The following TBX20 variants were observed in gnomAD, a reference collection of about 807,000 sequenced individuals.
TBX20 encodes the protein T-box transcription factor 20, also known as T-box transcription factor TBX20.
TBX20 carries 8 observed loss-of-function variants against 42.9 expected under a neutral mutation model. That is an observed-to-expected ratio of 0.19 (90% CI 0.11 to 0.34). The LOEUF (loss-of-function observed/expected upper bound fraction) is 0.34. Ranked by LOEUF, TBX20 falls within the 10% of genes least tolerant of loss-of-function variation. The pLI is 1.00. For missense variants in TBX20, 411 were observed against 566.0 expected (o/e 0.73, Z 2.78); for synonymous variants, 198 against 222.8 (o/e 0.89, Z 0.99).
chr7:35,231,236 T>C (rs1384293047), intron 6 of TBX20, among the ~76,000 whole-genome samples: 1 of 152,208 alleles, frequency 6.6e-6, no homozygotes, highest in African/African-American at 2.4e-5. Context: ...ACTAAGTCTT[T>C]AATAACAACA....
intron 5 of TBX20, among the ~76,000 whole-genome samples, chr7:35,235,291 GAAA>G (rs61628631): frequency 8.8e-6 from 1 of 113,540 alleles, no homozygotes; most frequent in Admixed American, 1.0e-4. Flanking sequence ...TGGGATAACT[GAAA>G]AAAAAAAAAA....
At chr7:35,215,896 C>A (rs1454570881) in intron 6 of TBX20, among the ~76,000 whole-genome samples, 3 of 152,172 alleles carry the variant, frequency 2.0e-5, no homozygotes, top group Non-Finnish European at 4.4e-5. Flanking sequence ...ACAAGCAAAA[C>A]CTGCACTCTT....
intron 6 of TBX20, among the ~76,000 whole-genome samples, chr7:35,217,050 GTAT>G (rs1463356300): frequency 6.6e-6 from 1 of 151,282 alleles, no homozygotes; most frequent in Non-Finnish European, 1.5e-5. Context: ...AATTTAGGAG[GTAT>G]TATAAATCAT....
At chr7:35,236,642 C>T (rs1482222145) in intron 5 of TBX20, among the ~76,000 whole-genome samples, 2 of 152,070 alleles carry the variant, frequency 1.3e-5, no homozygotes, top group Non-Finnish European at 2.9e-5. Context: ...AAACCATTTG[C>T]GAAACTGCCC....
chr7:35,206,545 T>G (rs1789403786), intron 6 of TBX20, among the ~76,000 whole-genome samples: 1 of 152,184 alleles, frequency 6.6e-6, no homozygotes, highest in South Asian at 2.1e-4. Flanking sequence ...AAACTCCATC[T>G]TAAAAAAATA....
intron 4 of TBX20, among the ~76,000 whole-genome samples, chr7:35,242,007 T>G (rs73099148): frequency 0.36 from 55,321 of 151,830 alleles, 10,425 homozygotes; most frequent in Admixed American, 0.46. Context: ...CATGCCCTCC[T>G]CTCCAAGGAG....
intron 6 of TBX20, among the ~76,000 whole-genome samples, chr7:35,213,542 A>C (rs1789532278): frequency 6.6e-6 from 1 of 152,210 alleles, no homozygotes; most frequent in African/African-American, 2.4e-5. Flanking sequence ...AATGAACAAA[A>C]ACAAAAGAAC....
rs983288197 is a variant in TBX20 at position 35,249,021 on chromosome 7, G to A, written c.381-180C>T. 1.3e-4 allele frequency among the ~76,000 whole-genome samples: 19 copies of A among 141,324 alleles called. No individual in the cohort carries two copies. Among genetic ancestry groups the A allele is most frequent in the South Asian group, 2.3e-4 (1 of 4,374 alleles). 92.7% of individuals were successfully genotyped at this position (141,324 alleles called of 152,430 possible). The stretch of plus-strand genomic sequence containing the variant: ...CTCAGAGAAGTGAATACAGAGACAG[G>A]GTTTTCTTCCAAGCCTAGATAATTT... On this transcript the variant is annotated intron_variant, in intron 2 of 7. Coordinates refer to ENST00000408931, the MANE Select transcript of TBX20 (RefSeq NM_001077653.2). The surrounding 1 kb of genome is among the most constrained non-coding windows in gnomAD (Gnocchi z 4.3).
At chr7:35,212,007 G>T (rs1291153214) in intron 6 of TBX20, among the ~76,000 whole-genome samples, 1 of 151,968 alleles carries the variant, frequency 6.6e-6, no homozygotes, top group African/African-American at 2.4e-5. Context: ...ATTTCTTTGG[G>T]TATATTTTTT....
intron 6 of TBX20, among the ~76,000 whole-genome samples, chr7:35,225,396 T>G (rs1789752657): frequency 6.6e-6 from 1 of 152,220 alleles, no homozygotes; most frequent in African/African-American, 2.4e-5. Flanking sequence ...TTTTAAATGA[T>G]TTTTTTCATA....
chr7:35,250,247 C>T (rs1197820820), intron 1 of TBX20, 44 bp from the exon 2 acceptor site: 1 of 1,601,954 alleles, frequency 6.2e-7, no homozygotes, highest in East Asian at 2.3e-5. Flanking sequence ...CACTGTTCAA[C>T]AAGGAAAGAT....
rs559500071 is a variant in TBX20 at position 35,214,765 on chromosome 7, T to C, written c.891-10183A>G. Among the ~76,000 whole-genome samples, 3 of 152,298 alleles carry C rather than the reference T, an allele frequency of 2.0e-5. No homozygotes were observed. The East Asian group carries it at 5.8e-4, about 29-fold the overall frequency. ...TACATTCAAGCTGATGTCCTTTAAG[T>C]CTGAAGCATAAGTCATATTAACAAA... On this transcript the variant is annotated intron_variant, in intron 6 of 7. Coordinates refer to ENST00000408931, the MANE Select transcript of TBX20 (RefSeq NM_001077653.2).
intron 6 of TBX20, among the ~76,000 whole-genome samples, chr7:35,205,541 A>T (rs559261498): frequency 6.6e-6 from 1 of 152,348 alleles, no homozygotes; most frequent in Non-Finnish European, 1.5e-5. Flanking sequence ...ACCAAACACC[A>T]CATTTCATAT....
At chr7:35,244,874 T>G (rs1338717939) in intron 4 of TBX20, 75 bp downstream of exon 4, 111 of 1,040,880 alleles carry the variant, frequency 1.1e-4, no homozygotes, top group Non-Finnish European at 1.3e-4. Flanking sequence ...AGGAAGGGAC[T>G]CAGAGAGAGA....
intron 6 of TBX20, among the ~76,000 whole-genome samples, chr7:35,217,911 G>A (rs1269412779): frequency 6.6e-6 from 1 of 152,094 alleles, no homozygotes; most frequent in Non-Finnish European, 1.5e-5. Flanking sequence ...GTAGAGACGG[G>A]GTTTCTCCAT....
At chr7:35,210,002 G>A (rs1185142923) in intron 6 of TBX20, among the ~76,000 whole-genome samples, 1 of 151,956 alleles carries the variant, frequency 6.6e-6, no homozygotes, top group South Asian at 2.1e-4. Flanking sequence ...ATTCCATTAC[G>A]GTCAGAGAGC....
intron 6 of TBX20, among the ~76,000 whole-genome samples, chr7:35,221,345 T>C (rs1789681407): frequency 6.6e-6 from 1 of 151,368 alleles, no homozygotes; most frequent in African/African-American, 2.4e-5. Flanking sequence ...AAGAAAATTT[T>C]CCTGAGCTCA....
chr7:35,222,225 A>C (rs1212712345), intron 6 of TBX20, among the ~76,000 whole-genome samples: 1 of 152,156 alleles, frequency 6.6e-6, no homozygotes, highest in Non-Finnish European at 1.5e-5. Flanking sequence ...AATAAGAATA[A>C]GTTTCTTTGT....
intron 6 of TBX20, among the ~76,000 whole-genome samples, chr7:35,224,936 A>G (rs1789744929): frequency 6.6e-6 from 1 of 151,860 alleles, no homozygotes; most frequent in South Asian, 2.1e-4. Flanking sequence ...AGAGAAAAAT[A>G]CCAACTATTA....
Sources: gnomAD v4.1 joint callset for allele counts (sites outside exome capture counted in the v4.1 genomes callset) on GRCh38, gnomAD v4.1.1 for gene constraint, Gnocchi (gnomAD v3.1) non-coding constraint, MANE v1.5 for transcripts, NCBI Gene and HGNC (gene_info 2026-07-23, HGNC 2026-07-21) for gene names.